The following IZUMO1 variants were observed in gnomAD, a reference collection of about 807,000 sequenced individuals.
The protein encoded by IZUMO1 is izumo sperm-oocyte fusion 1.
Under a neutral mutation model 40.7 loss-of-function variants are expected in IZUMO1, and 44 were observed. That is an observed-to-expected ratio of 1.08 (90% CI 0.85 to 1.39). The LOEUF (loss-of-function observed/expected upper bound fraction) is 1.39, where lower values mean the gene tolerates loss of function less well. Ranked by LOEUF, IZUMO1 falls within the 40% of genes most tolerant of loss-of-function variation. The pLI is 0.00. For missense variants in IZUMO1, 368 were observed against 436.9 expected, an observed-to-expected ratio of 0.84 and a Z score of 1.41; for synonymous variants, 149 against 170.9, an observed-to-expected ratio of 0.87 and a Z score of 1.00.
chr19:48,745,214 C>G lies in IZUMO1; in HGVS notation c.310G>C (p.Gly104Arg). 3 of 1,613,106 alleles carry G rather than the reference C, an allele frequency of 1.9e-6. No homozygotes were observed. The highest frequency in any genetic ancestry group is 2.5e-6 in the Non-Finnish European group (3 of 1,179,124). ...ACTCCCACCCCCTTGATGCATTTAC[C>G]TTTTACATCACTGTCTGTGATGCGT... ...LKRITDSDVK[G>R]DLFVKELFWM... The change falls in exon 3 of 10, where the codon GGC (glycine) becomes CGC (arginine). Residue 104 changes from glycine (G) to arginine (R), a missense_variant and splice_region_variant. Physicochemically the swap from Gly to Arg is moderately radical, Grantham distance 125. Transcript: ENST00000332955.
intron 6 of IZUMO1, among the ~76,000 whole-genome samples, chr19:48,742,725 CTTTTTTT>C (rs34894807): frequency 6.4e-5 from 6 of 93,510 alleles, no homozygotes; most frequent in East Asian, 3.7e-4. Context: ...TTCTCTCTCT[CTTTTTTT>C]TTTTTTTTTT....
chr19:48,745,580 C>A (rs2033860696), intron 2 of IZUMO1, 45 bp downstream of exon 2: 2 of 1,608,714 alleles, frequency 1.2e-6, no homozygotes, highest in Admixed American at 1.7e-5. Flanking sequence ...TCTTATCTCC[C>A]TCCTTTCCCA....
intron 5 of IZUMO1, chr19:48,743,829 A>G (rs12462324): frequency 0.45 from 214,338 of 471,802 alleles, 52,190 homozygotes; most frequent in East Asian, 0.85. Context: ...CGTCTCTGCT[A>G]AAAATACAAA....
At chr19:48,744,358 G>T in intron 4 of IZUMO1, 95 bp downstream of exon 4, 1 of 1,236,398 alleles carries the variant, frequency 8.1e-7, no homozygotes, top group Non-Finnish European at 1.2e-6. Flanking sequence ...TGGGGAAGCT[G>T]AGGAACTGGG....
At position 48,743,521 on chromosome 19, in the gene IZUMO1, C is replaced by T; in HGVS notation, c.423G>A (p.Val141=). The T allele has an allele frequency of 1.2e-6, 2 of 1,613,086 alleles. No homozygotes were observed. The highest frequency in any genetic ancestry group is 1.7e-6 in the Non-Finnish European group (2 of 1,179,010). Residue 141 remains valine, a synonymous_variant, in exon 6 of 10, where the codon GTG becomes GTA. Coordinates refer to ENST00000332955, the MANE Select transcript of IZUMO1 (RefSeq NM_182575.3). ...KEAYCPNKCG[V]MLQTLIWCKN... is the part of the protein sequence containing the mutation. Reference sequence around the variant, plus strand: ...TGCACCAGATCAGAGTTTGCAACATCACACCTGGAGGGGCAGGGTCAAGGC... The same window carrying T: ...TGCACCAGATCAGAGTTTGCAACATTACACCTGGAGGGGCAGGGTCAAGGC...
intron 3 of IZUMO1, 76 bp from the exon 4 acceptor site, chr19:48,744,615 C>T (rs1163987037): frequency 1.9e-6 from 2 of 1,077,096 alleles, no homozygotes; most frequent in African/African-American, 3.1e-5. Flanking sequence ...GTCTGGCAGT[C>T]TACTTCCTGG....
Position 48,744,209 on chromosome 19 carries a change from G to T in IZUMO1, c.398-14C>A. The T allele has an allele frequency of 6.2e-7, 1 of 1,611,456 alleles. No individual in the cohort carries two copies. Among genetic ancestry groups the T allele is most frequent in the South Asian group, 1.1e-5 (1 of 90,998 alleles). ...TGGGACAATAAGCTGTGTCAAAAGA[G>T]AAAAAAAGAGAGCAAGAAAGAGATG... is the stretch of plus-strand genomic sequence containing the variant. On this transcript the variant is annotated splice_polypyrimidine_tract_variant and intron_variant, in intron 4 of 9. Transcript: ENST00000332955.
intron 3 of IZUMO1, 53 bp downstream of exon 3, chr19:48,745,161 T>C: frequency 6.9e-7 from 1 of 1,456,844 alleles, no homozygotes; most frequent in Non-Finnish European, 9.6e-7. Context: ...CAGGCATCAC[T>C]AACGCTGGCT....
Position 48,745,281 on chromosome 19 carries a change from G to A in IZUMO1, c.243C>T (p.Ala81=), listed in dbSNP as rs1385665523. 12 of 1,613,602 alleles carry A rather than the reference G, an allele frequency of 7.4e-6. No individual in the cohort carries two copies. The East Asian group carries it at 2.7e-4, about 36-fold the overall frequency. The change falls in exon 3 of 10, where the codon GCC becomes GCT. Residue 81 remains alanine, a synonymous_variant. Coordinates refer to ENST00000332955, the MANE Select transcript of IZUMO1 (RefSeq NM_182575.3). The part of the protein sequence containing the change: ...EDAYMGVVDE[A]TLQKGSWSLL... ...AACTCCAGGACCCCTTTTGCAGTGT[G>A]GCCTCATCTGTCAGAGGAGATATAA...
At chr19:48,745,484 G>C (rs369333403) in intron 2 of IZUMO1, 141 bp downstream of exon 2, 1 of 1,115,158 alleles carries the variant, frequency 9.0e-7, no homozygotes, top group African/African-American at 1.6e-5. Context: ...GTATTTACTA[G>C]CCTCGGGGAA....
At position 48,744,441 on chromosome 19, in the gene IZUMO1, A is replaced by C; in HGVS notation, c.397+12T>G. ...GAGGAGCTGGGGGACACCGACTCCCATCTTCTCTCACCCTCTTTTTGGAAT... is the reference window on the plus strand; with the variant it reads ...GAGGAGCTGGGGGACACCGACTCCCCTCTTCTCTCACCCTCTTTTTGGAAT... On this transcript the variant is annotated intron_variant, in intron 4 of 9. Transcript: ENST00000332955. 1 of 1,605,030 alleles carries C rather than the reference A, an allele frequency of 6.2e-7. No individual in the cohort carries two copies. Among genetic ancestry groups the C allele is most frequent in the Non-Finnish European group, 8.5e-7 (1 of 1,171,752 alleles).
intron 5 of IZUMO1, 118 bp downstream of exon 5, chr19:48,744,057 G>C: frequency 1.2e-6 from 1 of 850,126 alleles, no homozygotes; most frequent in Non-Finnish European, 2.0e-6. Flanking sequence ...GAATACTGGA[G>C]ACCCAGGAAC....
At chr19:48,742,022 C>A (rs967207319) in intron 7 of IZUMO1, 80 bp from the exon 8 acceptor site, 135 of 1,538,946 alleles carry the variant, frequency 8.8e-5, no homozygotes, top group Non-Finnish European at 1.1e-4. Flanking sequence ...GATCACAGGG[C>A]CTCAGTGTGG....
Position 48,744,175 on chromosome 19 carries a change from CA to C in IZUMO1, c.417del (p.Cys139TrpfsTer3). The C allele has an allele frequency of 6.2e-7, 1 of 1,613,306 alleles. No individual in the cohort carries two copies. The highest frequency in any genetic ancestry group is 1.1e-5 in the South Asian group (1 of 91,042). Reference sequence around the variant, plus strand: ...GTTAACTTCTGTAATCCAGACTCACCACATTTGTTGGGACAATAAGCTGTGT... The same window carrying C: ...GTTAACTTCTGTAATCCAGACTCACCCATTTGTTGGGACAATAAGCTGTGT... ...FQKEAYCPNK[C>X]GVMLQTLIWC... On this transcript the variant is annotated frameshift_variant and splice_region_variant, in exon 5 of 10. Coordinates refer to ENST00000332955, the MANE Select transcript of IZUMO1 (RefSeq NM_182575.3). LOFTEE classifies it high-confidence loss of function.
At position 48,741,512 on chromosome 19, in the gene IZUMO1, G is replaced by T; in HGVS notation, c.755-34C>A. On this transcript the variant is annotated intron_variant, in intron 8 of 9. Transcript: ENST00000332955. This position sits in a 1 kb window ranked among gnomAD's most constrained non-coding sequence, Gnocchi z 4.4. ...GAAAGCGTAAAGAGCAGTCCTGGCA[G>T]GGCGTGGAGTTCCTGCCCTGGCAAA... is the stretch of plus-strand genomic sequence containing the variant. 1 of 1,581,504 alleles carries T rather than the reference G, an allele frequency of 6.3e-7. No individual in the cohort carries two copies. Among genetic ancestry groups the T allele is most frequent in the South Asian group, 1.1e-5 (1 of 89,838 alleles).
rs1176327925 is a variant in IZUMO1 at position 48,746,797 on chromosome 19, A to G, written c.-436T>C. 1.8e-5 allele frequency: 18 copies of G among 985,224 alleles called. No homozygotes were observed. The highest frequency in any genetic ancestry group is 2.0e-5 in the Non-Finnish European group (17 of 829,920). 61.0% of individuals were successfully genotyped at this position (985,224 alleles called of 1,614,324 possible). A position where few individuals can be genotyped will look rare whatever the true frequency, so the allele number is the denominator to read the frequency against. The stretch of plus-strand genomic sequence containing the variant: ...GGGTAAGGTTGGTTGCGTGAAATCG[A>G]GAGCTTTTCGACGGGGTCTGAGTCA... On this transcript the variant is annotated 5_prime_UTR_variant, in exon 1 of 10. Transcript: ENST00000332955.
At position 48,746,584 on chromosome 19, in the gene IZUMO1, T is replaced by C; in HGVS notation, c.-223A>G. 1.0e-6 allele frequency: 1 copy of C among 985,744 alleles called. No individual in the cohort carries two copies. The highest frequency in any genetic ancestry group is 1.2e-6 in the Non-Finnish European group (1 of 830,154). 61.1% of individuals were successfully genotyped at this position (985,744 alleles called of 1,614,324 possible). A position where few individuals can be genotyped will look rare whatever the true frequency, so the allele number is the denominator to read the frequency against. On this transcript the variant is annotated 5_prime_UTR_variant, in exon 1 of 10. Transcript: ENST00000332955. Reference sequence around the variant, plus strand: ...TTCCGCTTAGAAAAAGGAGCCCCGATGCATCCTGAACAGTGATGCACCCTA... The same window carrying C: ...TTCCGCTTAGAAAAAGGAGCCCCGACGCATCCTGAACAGTGATGCACCCTA...
rs771864542 is a variant in IZUMO1, at chr19:48,745,866, C to G, written c.-7G>C. 6.2e-7 allele frequency: 1 copy of G among 1,613,982 alleles called. No homozygotes were observed. The highest frequency in any genetic ancestry group is 1.3e-5 in the African/African-American group (1 of 75,032). The stretch of plus-strand genomic sequence containing the variant: ...GGGTAAAATGCGGCCCCATTGCAGC[C>G]GGCGCGCACAGTTCCCGAAGACCGT... On this transcript the variant is annotated 5_prime_UTR_variant, in exon 2 of 10. Coordinates refer to ENST00000332955, the MANE Select transcript of IZUMO1 (RefSeq NM_182575.3).
rs1440376935 is a variant in IZUMO1, at chr19:48,740,958, C to G, written c.1003G>C (p.Glu335Gln). The G allele has an allele frequency of 6.2e-7, 1 of 1,614,152 alleles. No homozygotes were observed. Among genetic ancestry groups the G allele is most frequent in the Non-Finnish European group, 8.5e-7 (1 of 1,180,008 alleles). ...SLFGLGSGAA[E>Q]QTQVPKEKAT... is the part of the protein sequence containing the mutation. ...TTTTCTTTTGGGACCTGGGTTTGCT[C>G]GGCCGCTCCACTGCCAAGGCCAAAC... is the stretch of plus-strand genomic sequence containing the variant. The change falls in exon 10 of 10, where the codon GAG becomes CAG. Residue 335 changes from glutamate (E) to glutamine (Q), a missense_variant. By Grantham distance (29) the Glu-to-Gln change is conservative. Transcript: ENST00000332955. This position sits in a 1 kb window ranked among gnomAD's most constrained non-coding sequence, Gnocchi z 5.5.
Sources: gnomAD v4.1 joint callset for allele counts (sites outside exome capture counted in the v4.1 genomes callset) on GRCh38, gnomAD v4.1.1 for gene constraint, Gnocchi (gnomAD v3.1) non-coding constraint, MANE v1.5 for transcripts, NCBI Gene and HGNC (gene_info 2026-07-23, HGNC 2026-07-21) for gene names.